The following ARHGAP42 variants were observed in gnomAD, a reference collection of about 807,000 sequenced individuals.
ARHGAP42 encodes the protein Rho GTPase activating protein 42.
In ARHGAP42, 63 loss-of-function variants were observed where a neutral mutation model predicts 125.0. The observed-to-expected ratio is 0.50, with a 90% confidence interval of 0.41 to 0.62. The LOEUF (loss-of-function observed/expected upper bound fraction) is 0.62. Among genes scored for constraint, ARHGAP42 ranks in the 20% least tolerant of loss-of-function variants. The pLI, the probability that ARHGAP42 is intolerant of heterozygous loss-of-function variation, is 0.00. For missense variants in ARHGAP42, 766 were observed against 1,024.2 expected (o/e 0.75, Z 3.44); for synonymous variants, 339 against 351.0 (o/e 0.97, Z 0.38).
At chr11:100,692,118 T>A (rs1591109558) in intron 1 of ARHGAP42, among the ~76,000 whole-genome samples, 1 of 152,236 alleles carries the variant, frequency 6.6e-6, no homozygotes, top group East Asian at 1.9e-4. Context: ...GGCTATCCTT[T>A]CTTCCTTATT....
intron 3 of ARHGAP42, among the ~76,000 whole-genome samples, chr11:100,812,813 A>G (rs1864179923): frequency 6.6e-6 from 1 of 152,170 alleles, no homozygotes; most frequent in Non-Finnish European, 1.5e-5. Flanking sequence ...GGGCGGGGGG[A>G]TTATGAAGAA....
chr11:100,794,966 T>C (rs914254111), intron 2 of ARHGAP42, 139 bp from the exon 3 acceptor site: 4 of 552,524 alleles, frequency 7.2e-6, no homozygotes, highest in African/African-American at 3.9e-5. Flanking sequence ...TCACAGAATA[T>C]AGTATATTCA....
intron 4 of ARHGAP42, among the ~76,000 whole-genome samples, chr11:100,901,106 T>C (rs557334455): frequency 6.6e-6 from 1 of 152,246 alleles, no homozygotes; most frequent in African/African-American, 2.4e-5. Flanking sequence ...ATGTTGATGC[T>C]ATTCCTTTCT....
intron 1 of ARHGAP42, among the ~76,000 whole-genome samples, chr11:100,693,160 G>GT (rs11453104): frequency 0.14 from 19,646 of 141,806 alleles, 1,380 homozygotes; most frequent in Middle Eastern, 0.18. Context: ...TTGCACGTAG[G>GT]TTTTTTTTTT....
intron 4 of ARHGAP42, among the ~76,000 whole-genome samples, chr11:100,878,006 GAAAAAAA>G (rs35482152): frequency 1.6e-5 from 1 of 64,452 alleles, no homozygotes; most frequent in Non-Finnish European, 3.1e-5. Context: ...CTCTGTCCCA[GAAAAAAA>G]AAAAAAAAAA....
chr11:100,706,897 A>G (rs1861489184), intron 1 of ARHGAP42, among the ~76,000 whole-genome samples: 1 of 152,078 alleles, frequency 6.6e-6, no homozygotes. Context: ...ATTAGCTGTC[A>G]CTCCTCATTC....
At chr11:100,711,790 A>G (rs1216860763) in intron 1 of ARHGAP42, among the ~76,000 whole-genome samples, 3 of 152,250 alleles carry the variant, frequency 2.0e-5, no homozygotes, top group Non-Finnish European at 4.4e-5. Flanking sequence ...AGGACAGTTG[A>G]TTAGTTAAAA....
rs939412084 is a variant in ARHGAP42, at chr11:100,976,968, C to T, written c.2390C>T (p.Ser797Leu). Residue 797 changes from serine (S) to leucine (L), a missense_variant, in exon 21 of 24, where the codon TCA becomes TTA. Physicochemically the swap from Ser to Leu is moderately radical, Grantham distance 145. Coordinates refer to ENST00000298815, the MANE Select transcript of ARHGAP42 (RefSeq NM_152432.4). ...ASSNGYQRPG[S>L]VVAAKAQLFE... ...AGCAATGGCTATCAGCGGCCTGGCTCAGTGTAAGTGAGCGTTTGTATATTT... is the reference window on the plus strand; with the variant it reads ...AGCAATGGCTATCAGCGGCCTGGCTTAGTGTAAGTGAGCGTTTGTATATTT... 2.6e-6 allele frequency: 4 copies of T among 1,551,168 alleles called. No individual in the cohort carries two copies. The highest frequency in any genetic ancestry group is 2.6e-6 in the Non-Finnish European group (3 of 1,146,756).
chr11:100,900,456 C>T (rs1342413075), intron 4 of ARHGAP42, among the ~76,000 whole-genome samples: 1 of 152,144 alleles, frequency 6.6e-6, no homozygotes, highest in Non-Finnish European at 1.5e-5. Flanking sequence ...GTGGCCCTGC[C>T]TTGCTAGGTT....
At position 100,976,863 on chromosome 11, in the gene ARHGAP42, C is replaced by T; in HGVS notation, c.2285C>T (p.Ser762Phe). The change falls in exon 21 of 24, where the codon TCC (serine) becomes TTC (phenylalanine). Residue 762 changes from serine (S) to phenylalanine (F), a missense_variant. By Grantham distance (155) the Ser-to-Phe change is radical. Transcript: ENST00000298815. ...ATTCAAAGCTTAACTTCTGTAGGTT[C>T]CAAGGAGACACCCAAAGCTTCACCA... Reference protein sequence around the residue: ...GSIQSLTSVGSKETPKASPNP... With the variant: ...GSIQSLTSVGFKETPKASPNP... 4 of 1,551,390 alleles carry T rather than the reference C, an allele frequency of 2.6e-6. No individual in the cohort carries two copies. Among genetic ancestry groups the T allele is most frequent in the Non-Finnish European group, 2.6e-6 (3 of 1,146,866 alleles).
intron 3 of ARHGAP42, among the ~76,000 whole-genome samples, chr11:100,815,017 G>A (rs76519413): frequency 0.013 from 1,944 of 152,174 alleles, 39 homozygotes; most frequent in African/African-American, 0.045. Context: ...ACTTCCCTTG[G>A]GCCCTCTAAA....
intron 17 of ARHGAP42, among the ~76,000 whole-genome samples, chr11:100,972,626 C>G (rs1014359508): frequency 1.3e-5 from 2 of 152,154 alleles, no homozygotes; most frequent in Non-Finnish European, 2.9e-5. Context: ...GACTTGCAGT[C>G]AGGAGACCTG....
At chr11:100,858,086 GGTGTGTGTGTGTGT>G (rs201861404) in intron 3 of ARHGAP42, among the ~76,000 whole-genome samples, 2 of 108,920 alleles carry the variant, frequency 1.8e-5, no homozygotes, top group Admixed American at 8.9e-5. Flanking sequence ...TCTGGATAGG[GGTGTGTGTGTGTGT>G]GTGTGTGTGT....
chr11:100,977,004 C>T, intron 21 of ARHGAP42, 33 bp downstream of exon 21: 6 of 1,549,116 alleles, frequency 3.9e-6, no homozygotes, highest in Non-Finnish European at 5.2e-6. Flanking sequence ...GCTGTGTCTC[C>T]CAGGGATACA....
intron 6 of ARHGAP42, among the ~76,000 whole-genome samples, chr11:100,925,745 T>A (rs1289618160): frequency 4.6e-5 from 7 of 152,120 alleles, no homozygotes; most frequent in African/African-American, 1.2e-4. Context: ...CTCAAAAAAA[T>A]AAATAAAAAT....
chr11:100,761,640 TG>T (rs1862701609), intron 1 of ARHGAP42, among the ~76,000 whole-genome samples: 1 of 152,226 alleles, frequency 6.6e-6, no homozygotes. Context: ...ATATCATTTA[TG>T]GGATTACAAA....
chr11:100,902,895 A>G (rs1866590370), intron 4 of ARHGAP42, among the ~76,000 whole-genome samples: 1 of 152,162 alleles, frequency 6.6e-6, no homozygotes. Flanking sequence ...TTGATCAATT[A>G]TGGGAATGAC....
rs555259540 is a variant in ARHGAP42 at position 100,809,813 on chromosome 11, G to T, written c.312+14647G>T. Reference sequence around the variant, plus strand: ...CTGCAAAAAATACAAAAATTAGCTGGGCATGGTATCACAGCTACTTGGGAG... The same window carrying T: ...CTGCAAAAAATACAAAAATTAGCTGTGCATGGTATCACAGCTACTTGGGAG... On this transcript the variant is annotated intron_variant, in intron 3 of 23. Transcript: ENST00000298815. 2.6e-5 allele frequency among the ~76,000 whole-genome samples: 4 copies of T among 151,930 alleles called. No homozygotes were observed. In the South Asian group the frequency reaches 8.3e-4, roughly 32 times the overall value.
rs147439524 is a variant in ARHGAP42, at chr11:100,858,524, G to T, written c.313-1030G>T. 1.0e-3 allele frequency among the ~76,000 whole-genome samples: 155 copies of T among 152,126 alleles called. 1 individual carries two copies. The highest frequency in any genetic ancestry group is 3.6e-3 in the African/African-American group (150 of 41,536). ...TTATGGACTTTAAGAAATTAAACTTGACTAGAGATAAACCAGTTTGATGAA... is the reference window on the plus strand; with the variant it reads ...TTATGGACTTTAAGAAATTAAACTTTACTAGAGATAAACCAGTTTGATGAA... On this transcript the variant is annotated intron_variant, in intron 3 of 23. Transcript: ENST00000298815.
Sources: allele counts gnomAD v4.1 joint callset (sites outside exome capture counted in the v4.1 genomes callset), GRCh38; gene constraint gnomAD v4.1.1; transcripts MANE v1.5; gene names NCBI Gene and HGNC (gene_info 2026-07-23, HGNC 2026-07-21).